Variants in MRPS6 observed in about 807,000 individuals in gnomAD.
MRPS6 encodes mitochondrial ribosomal protein S6, also known as small ribosomal subunit protein bS6m.
In MRPS6, 6 loss-of-function variants were observed where a neutral mutation model predicts 13.1. The observed-to-expected ratio is 0.46, with a 90% CI of 0.25 to 0.91. The LOEUF is 0.91. MRPS6 is among the 40% of genes least tolerant of loss of function. The probability of loss-of-function intolerance (pLI) is 0.18; values close to 1 mark genes in which losing one functional copy is unlikely to be tolerated. For missense variants in MRPS6, 164 were observed against 155.6 expected (o/e 1.05, Z -0.29); for synonymous variants, 61 against 56.5 (o/e 1.08, Z -0.36).
chr21:34,129,342 C>T (rs771594106), intron 2 of MRPS6, among the ~76,000 whole-genome samples: 1 of 152,082 alleles, frequency 6.6e-6, no homozygotes, highest in Non-Finnish European at 1.5e-5. Flanking sequence ...CGTATTTCAG[C>T]GTTGGGCTTG....
At chr21:34,087,106 G>A (rs564838021) in intron 1 of MRPS6, among the ~76,000 whole-genome samples, 1 of 152,302 alleles carries the variant, frequency 6.6e-6, no homozygotes, top group Admixed American at 6.5e-5. Flanking sequence ...GAGGGAGATG[G>A]TGGCTCCAGA....
At chr21:34,095,138 A>G (rs547036990) in intron 1 of MRPS6, 23 of 1,530,482 alleles carry the variant, frequency 1.5e-5, no homozygotes, top group Admixed American at 2.1e-5. Context: ...GGGGTTACTA[A>G]AAATAAATAA....
chr21:34,119,489 C>G (rs886524754), intron 1 of MRPS6, among the ~76,000 whole-genome samples: 2 of 152,202 alleles, frequency 1.3e-5, no homozygotes, highest in Non-Finnish European at 2.9e-5. Context: ...TTTACATGTA[C>G]ATTTTCACAG....
At chr21:34,076,078 C>T (rs750406997) in intron 1 of MRPS6, among the ~76,000 whole-genome samples, 2 of 152,154 alleles carry the variant, frequency 1.3e-5, no homozygotes, top group African/African-American at 4.8e-5. Context: ...ATTTTCCTTT[C>T]CTCCCCAAAT....
chr21:34,120,533 G>A (rs1569422857), intron 1 of MRPS6, among the ~76,000 whole-genome samples: 1 of 152,168 alleles, frequency 6.6e-6, no homozygotes, highest in East Asian at 1.9e-4. Flanking sequence ...TCTTTTGTAG[G>A]CTAAACATTA....
intron 1 of MRPS6, among the ~76,000 whole-genome samples, chr21:34,114,376 T>G (rs916709500): frequency 6.6e-6 from 1 of 152,172 alleles, no homozygotes; most frequent in Non-Finnish European, 1.5e-5. Context: ...GATCATTGCT[T>G]AAAATCTTTT....
chr21:34,135,154 T>G (rs758726127), intron 2 of MRPS6, among the ~76,000 whole-genome samples: 1 of 152,098 alleles, frequency 6.6e-6, no homozygotes, highest in Non-Finnish European at 1.5e-5. Context: ...TTGTATGTAG[T>G]GAATATTTGT....
chr21:34,098,769 C>T, intron 1 of MRPS6: 1 of 1,000,166 alleles, frequency 1.0e-6, no homozygotes, highest in Non-Finnish European at 1.2e-6. Context: ...GTACAGGGTA[C>T]AAAAGATGTT....
At chr21:34,139,968 T>C (rs1442410537) in intron 2 of MRPS6, among the ~76,000 whole-genome samples, 1 of 152,168 alleles carries the variant, frequency 6.6e-6, no homozygotes, top group Non-Finnish European at 1.5e-5. Context: ...GCCTTTAATT[T>C]ATACCTTACC....
chr21:34,073,780 G>T, intron 1 of MRPS6, 35 bp downstream of exon 1: 1 of 1,447,852 alleles, frequency 6.9e-7, no homozygotes, highest in Non-Finnish European at 9.2e-7. Flanking sequence ...GTCTTCCCGC[G>T]CGGGCGCCCC....
intron 1 of MRPS6, chr21:34,100,355 T>A (rs550214359): frequency 1.0e-6 from 1 of 1,000,252 alleles, no homozygotes; most frequent in East Asian, 1.1e-4. Context: ...TTCAGAATAT[T>A]CTGTTCTGCC....
At chr21:34,089,645 A>G (rs1172574046) in intron 1 of MRPS6, among the ~76,000 whole-genome samples, 1 of 152,134 alleles carries the variant, frequency 6.6e-6, no homozygotes, top group Non-Finnish European at 1.5e-5. Flanking sequence ...GAAATTATCC[A>G]TTCTTAACCC....
At chr21:34,137,420 TGTTA>T (rs1226317294) in intron 2 of MRPS6, among the ~76,000 whole-genome samples, 1 of 152,208 alleles carries the variant, frequency 6.6e-6, no homozygotes, top group Non-Finnish European at 1.5e-5. Flanking sequence ...TCTGATTATT[TGTTA>T]CTAGTATATA....
intron 1 of MRPS6, among the ~76,000 whole-genome samples, chr21:34,074,272 T>A (rs946809498): frequency 6.6e-6 from 1 of 152,154 alleles, no homozygotes; most frequent in African/African-American, 2.4e-5. Flanking sequence ...AAAGCGTTCC[T>A]CCAAAGCTTG....
At chr21:34,103,849 A>G in intron 1 of MRPS6, 1 of 1,000,096 alleles carries the variant, frequency 1.0e-6, no homozygotes. Context: ...GGGGGTTACT[A>G]GCTAAAATGG....
chr21:34,096,515 T>G lies in MRPS6; in HGVS notation c.45+22770T>G, dbSNP rs1602929833. On this transcript the variant is annotated intron_variant, in intron 1 of 2. Coordinates refer to ENST00000399312, the MANE Select transcript of MRPS6 (RefSeq NM_032476.4). The surrounding 1 kb of genome is among the most constrained non-coding windows in gnomAD (Gnocchi z 5.9). The stretch of plus-strand genomic sequence containing the variant: ...AGATGCAAGGAGGCCAGATGTACCT[T>G]TACATTCAGGAGGTAGCAGATTACC... The G allele has an allele frequency of 6.2e-7, 1 of 1,614,114 alleles. No homozygotes were observed. The highest frequency in any genetic ancestry group is 8.5e-7 in the Non-Finnish European group (1 of 1,180,010).
intron 1 of MRPS6, among the ~76,000 whole-genome samples, chr21:34,089,469 T>C (rs1302041010): frequency 6.6e-6 from 1 of 152,054 alleles, no homozygotes; most frequent in African/African-American, 2.4e-5. Flanking sequence ...CAAGGTCTTA[T>C]TTCTCTGAGA....
intron 1 of MRPS6, chr21:34,095,819 T>G (rs1314795738): frequency 6.2e-7 from 1 of 1,614,068 alleles, no homozygotes; most frequent in Admixed American, 1.7e-5. Flanking sequence ...TAATGGAGAT[T>G]GGCGGGTTTG....
At chr21:34,087,307 A>AC (rs11427670) in intron 1 of MRPS6, among the ~76,000 whole-genome samples, 152,149 of 152,302 alleles carry the variant, frequency 1, 75,998 homozygotes, top group Middle Eastern at 1. Context: ...TGCTTAAAAA[A>AC]CCACTGTTGA....
Sources: allele counts gnomAD v4.1 joint callset (sites outside exome capture counted in the v4.1 genomes callset), GRCh38; gene constraint gnomAD v4.1.1; non-coding constraint Gnocchi (gnomAD v3.1); transcripts MANE v1.5; gene names NCBI Gene and HGNC (gene_info 2026-07-23, HGNC 2026-07-21).